TMEM182: variants seen among roughly 807,000 people sequenced by gnomAD.
The protein encoded by TMEM182 is transmembrane protein 182.
TMEM182 carries 20 observed loss-of-function variants against 26.8 expected under a neutral mutation model. The observed-to-expected ratio is 0.75, with a 90% CI of 0.53 to 1.09. TMEM182 has a LOEUF of 1.09. Among genes scored for constraint, TMEM182 ranks in the 50% least tolerant of loss-of-function variants. The pLI is 0.00. For synonymous variants in TMEM182, 109 were observed against 102.2 expected, an observed-to-expected ratio of 1.07 and a Z score of -0.40; for missense variants, 277 against 275.5, an observed-to-expected ratio of 1.01 and a Z score of -0.04.
chr2:102,781,270 CTT>C (rs928674564), intron 3 of TMEM182, among the ~76,000 whole-genome samples: 3 of 151,596 alleles, frequency 2.0e-5, no homozygotes, highest in African/African-American at 7.3e-5. Flanking sequence ...ATTAATGACT[CTT>C]TTTTGTCCTT....
In TMEM182 at chr2:102,837,451, A is replaced by G. The variant is rs376808437; in HGVS notation, c.326-5961A>G. On this transcript the variant is annotated intron_variant, in intron 3 of 3. Transcript: ENST00000486293. ...GGTGGAGATTCTGTTAGAAAATTCA[A>G]TATGGGAACTCTTGAAACTGATGGC... is the stretch of plus-strand genomic sequence containing the variant. Among the ~76,000 whole-genome samples, 42 of 151,308 alleles carry G rather than the reference A, an allele frequency of 2.8e-4. No individual in the cohort carries two copies. In the East Asian group the frequency reaches 3.9e-3, roughly 14 times the overall value.
intron 3 of TMEM182, among the ~76,000 whole-genome samples, chr2:102,769,133 A>G (rs1558761328): frequency 6.6e-6 from 1 of 152,136 alleles, no homozygotes; most frequent in East Asian, 1.9e-4. Context: ...TGTTTTATTC[A>G]TCAGAACAAT....
rs576199218 is a variant in TMEM182, at chr2:102,747,103, T to A, written c.-83+10090T>A. Among the ~76,000 whole-genome samples the A allele has an allele frequency of 3.3e-5, 5 of 152,366 alleles. No homozygotes were observed. In the South Asian group the frequency reaches 8.3e-4, roughly 25 times the overall value. On this transcript the variant is annotated intron_variant, in intron 1 of 5. Coordinates refer to the TMEM182 transcript ENST00000409173. Reference sequence around the variant, plus strand: ...CATGGAGTTCCTCACACGGTCACCCTGGGAGTGAAACTCGGACTGTTTTTA... The same window carrying A: ...CATGGAGTTCCTCACACGGTCACCCAGGGAGTGAAACTCGGACTGTTTTTA...
chr2:102,816,849 T>G lies in TMEM182; in HGVS notation c.*1881T>G. On this transcript the variant is annotated 3_prime_UTR_variant, in exon 5 of 5. Coordinates refer to ENST00000412401, the MANE Select transcript of TMEM182 (RefSeq NM_144632.5). ...GGAATGGAGCCTTTTTCTGGTGTAC[T>G]GTATGCCATTTAAGTTTCACATACA... The G allele has an allele frequency of 1.0e-6, 1 of 985,884 alleles. No individual in the cohort carries two copies. The allele number at this position is 985,884 out of a possible 1,614,324, so 61.1% of individuals were successfully genotyped here. A position where few individuals can be genotyped will look rare whatever the true frequency, so the allele number is the denominator to read the frequency against.
At chr2:102,763,342 C>T (rs1231833308) in intron 2 of TMEM182, among the ~76,000 whole-genome samples, 1 of 152,096 alleles carries the variant, frequency 6.6e-6, no homozygotes, top group Non-Finnish European at 1.5e-5. Context: ...TTGAATTAAT[C>T]TTTGAAAATC....
chr2:102,764,304 G>A (rs1316211447), intron 2 of TMEM182, 25 bp from the exon 3 acceptor site: 2 of 1,608,004 alleles, frequency 1.2e-6, no homozygotes, highest in Non-Finnish European at 8.5e-7. Flanking sequence ...AATAACAAGT[G>A]CCATTGTTTT....
In TMEM182 at chr2:102,804,590, T is replaced by A. The variant is rs150290966; in HGVS notation, c.469+6590T>A. On this transcript the variant is annotated intron_variant, in intron 4 of 4. Transcript: ENST00000412401. ...ATTTGGGTTGGATCCACTACAGTGG[T>A]TTTTTAAAAGCTTCTCTGACTTTCC... 7.2e-3 allele frequency among the ~76,000 whole-genome samples: 1,102 copies of A among 152,246 alleles called. 18 individuals are homozygous for A. Among genetic ancestry groups the A allele is most frequent in the African/African-American group, 0.025 (1,020 of 41,520 alleles).
At chr2:102,791,191 C>T (rs542537393) in intron 3 of TMEM182, among the ~76,000 whole-genome samples, 29 of 152,304 alleles carry the variant, frequency 1.9e-4, no homozygotes, top group Non-Finnish European at 3.7e-4. Context: ...CTGCCTCGGC[C>T]TCCCAAAGTG....
intron 3 of TMEM182, among the ~76,000 whole-genome samples, chr2:102,769,830 G>C (rs1680600870): frequency 6.6e-6 from 1 of 152,174 alleles, no homozygotes; most frequent in African/African-American, 2.4e-5. Context: ...AGAAAAGTTG[G>C]TAAGATGGAC....
At chr2:102,799,298 C>T (rs1016976621) in intron 4 of TMEM182, among the ~76,000 whole-genome samples, 1 of 152,132 alleles carries the variant, frequency 6.6e-6, no homozygotes, top group Non-Finnish European at 1.5e-5. Context: ...CATCAGTGCT[C>T]AGGTAACACA....
chr2:102,754,942 A>G (rs931929469), intron 1 of TMEM182, among the ~76,000 whole-genome samples: 1 of 152,240 alleles, frequency 6.6e-6, no homozygotes. Context: ...TTGCTTATCC[A>G]GTTTTATTTA....
At chr2:102,793,013 T>G (rs1379894272) in intron 3 of TMEM182, among the ~76,000 whole-genome samples, 1 of 150,680 alleles carries the variant, frequency 6.6e-6, no homozygotes, top group Non-Finnish European at 1.5e-5. Flanking sequence ...TTGACGCTCC[T>G]GCTGCTTCCT....
chr2:102,834,368 T>A, intron 3 of TMEM182: 1 of 985,280 alleles, frequency 1.0e-6, no homozygotes, highest in South Asian at 4.7e-5. Flanking sequence ...TCCCTTTTTT[T>A]TTCCTTCTGA....
In TMEM182 at chr2:102,816,561, C is replaced by G; in HGVS notation, c.*1593C>G. On this transcript the variant is annotated 3_prime_UTR_variant, in exon 5 of 5. Transcript: ENST00000412401. ...ATAATAATAATAAAGCTCCAGAGGC[C>G]TAACTGGTTTCTCAAGTCATTTCAG... 1 of 963,206 alleles carries G rather than the reference C, an allele frequency of 1.0e-6. No homozygotes were observed. Among genetic ancestry groups the G allele is most frequent in the African/African-American group, 1.8e-5 (1 of 55,744 alleles). The allele number at this position is 963,206 out of a possible 1,614,324, so 59.7% of individuals were successfully genotyped here. A position where few individuals can be genotyped will look rare whatever the true frequency, so the allele number is the denominator to read the frequency against.
intron 3 of TMEM182, among the ~76,000 whole-genome samples, chr2:102,768,277 A>G (rs1680532685): frequency 6.6e-6 from 1 of 152,126 alleles, no homozygotes; most frequent in South Asian, 2.1e-4. Flanking sequence ...CTGAATGCAT[A>G]TTTTGGGGAG....
At chr2:102,791,498 A>G (rs974116668) in intron 3 of TMEM182, among the ~76,000 whole-genome samples, 5 of 152,202 alleles carry the variant, frequency 3.3e-5, no homozygotes, top group African/African-American at 1.2e-4. Flanking sequence ...TATTTATACA[A>G]CATCTGTTGT....
upstream of TMEM182, among the ~76,000 whole-genome samples, chr2:102,760,808 G>T (rs907799452): frequency 1.1e-4 from 16 of 152,028 alleles, no homozygotes; most frequent in Middle Eastern, 3.4e-3. Context: ...TAGACATGGG[G>T]TTTCACCATG....
chr2:102,763,639 G>A lies in TMEM182; in HGVS notation c.233-690G>A, dbSNP rs1680303969. On this transcript the variant is annotated intron_variant, in intron 2 of 4. Coordinates refer to ENST00000412401, the MANE Select transcript of TMEM182 (RefSeq NM_144632.5). ...TATCTTACAGTGGATTTGGGGGCAG[G>A]AGAATAAGCATACAACTTGCCAGTG... is the stretch of plus-strand genomic sequence containing the variant. Among the ~76,000 whole-genome samples, 4 of 152,192 alleles carry A rather than the reference G, an allele frequency of 2.6e-5. No homozygotes were observed. In the South Asian group the frequency reaches 8.3e-4, roughly 31 times the overall value.
At chr2:102,837,250 T>A (rs778779826) in intron 3 of TMEM182, among the ~76,000 whole-genome samples, 2 of 152,282 alleles carry the variant, frequency 1.3e-5, no homozygotes, top group African/African-American at 2.4e-5. Context: ...TTTTTGTTTT[T>A]CCAATTTAGG....
Sources: allele counts gnomAD v4.1 joint callset (sites outside exome capture counted in the v4.1 genomes callset), GRCh38; gene constraint gnomAD v4.1.1; transcripts MANE v1.5; gene names NCBI Gene and HGNC (gene_info 2026-07-23, HGNC 2026-07-21).